Variants in DTNB observed in about 807,000 individuals in gnomAD.
DTNB encodes dystrobrevin beta, also known as DTN-B.
DTNB carries 63 observed loss-of-function variants against 90.7 expected under a neutral mutation model. That is an observed-to-expected ratio of 0.69 (90% CI 0.57 to 0.86). The LOEUF is 0.86. DTNB is among the 40% of genes least tolerant of loss of function. The pLI is 0.00. For missense variants in DTNB, 744 were observed against 807.1 expected, an observed-to-expected ratio of 0.92 and a Z score of 0.95; for synonymous variants, 277 against 286.7, an observed-to-expected ratio of 0.97 and a Z score of 0.34.
chr2:25,497,000 C>T (rs1012643473), intron 9 of DTNB, among the ~76,000 whole-genome samples: 2 of 152,152 alleles, frequency 1.3e-5, no homozygotes, highest in Non-Finnish European at 2.9e-5. Flanking sequence ...ACTATTAAAC[C>T]TTCACACTCT....
intron 9 of DTNB, among the ~76,000 whole-genome samples, chr2:25,519,757 G>A (rs1231893172): frequency 2.0e-5 from 3 of 152,140 alleles, no homozygotes; most frequent in Non-Finnish European, 2.9e-5. Flanking sequence ...TTACCTGTCA[G>A]AAATGGTTCA....
At chr2:25,431,138 C>G (rs1172330656) in intron 14 of DTNB, among the ~76,000 whole-genome samples, 3 of 152,040 alleles carry the variant, frequency 2.0e-5, no homozygotes, top group African/African-American at 7.2e-5. Context: ...CTTCTTCTTT[C>G]ATGGTAATTC....
At chr2:25,436,637 AG>A (rs1465085503) in intron 12 of DTNB, among the ~76,000 whole-genome samples, 3 of 152,142 alleles carry the variant, frequency 2.0e-5, no homozygotes, top group Non-Finnish European at 2.9e-5. Flanking sequence ...CTTTTTTAAA[AG>A]AAAAAAAAAA....
In DTNB at chr2:25,521,292, T is replaced by C. The variant is rs555276752; in HGVS notation, c.1001+10181A>G. Among the ~76,000 whole-genome samples, 3 of 152,256 alleles carry C rather than the reference T, an allele frequency of 2.0e-5. No individual in the cohort carries two copies. In the South Asian group the frequency reaches 6.2e-4, roughly 32 times the overall value. On this transcript the variant is annotated intron_variant, in intron 9 of 20. Transcript: ENST00000406818. ...AAATAATATAAGCTCTAAGGGCCAT[T>C]TGGTCTCAGTCGTTAATGACTCAAT...
chr2:25,504,672 A>G (rs2071899360), intron 9 of DTNB, among the ~76,000 whole-genome samples: 1 of 152,218 alleles, frequency 6.6e-6, no homozygotes, highest in African/African-American at 2.4e-5. Flanking sequence ...ATTTAACCAA[A>G]GTGTGAAGCT....
chr2:25,473,244 T>A (rs1275521880), intron 10 of DTNB, among the ~76,000 whole-genome samples: 1 of 152,206 alleles, frequency 6.6e-6, no homozygotes, highest in East Asian at 1.9e-4. Context: ...ATTTTACTAG[T>A]TTGGTATTAA....
At chr2:25,499,894 C>CT (rs912409736) in intron 9 of DTNB, among the ~76,000 whole-genome samples, 2 of 151,796 alleles carry the variant, frequency 1.3e-5, no homozygotes, top group Non-Finnish European at 2.9e-5. Flanking sequence ...ACTTACCATT[C>CT]TTTTTTTTGG....
intron 8 of DTNB, among the ~76,000 whole-genome samples, chr2:25,570,787 C>A (rs2059752975): frequency 6.6e-6 from 1 of 152,158 alleles, no homozygotes; most frequent in African/African-American, 2.4e-5. Flanking sequence ...AGTTCTTACT[C>A]CTCTTTTTCC....
At chr2:25,630,180 G>A (rs1157399093) in intron 3 of DTNB, among the ~76,000 whole-genome samples, 3 of 152,142 alleles carry the variant, frequency 2.0e-5, no homozygotes, top group Admixed American at 6.5e-5. Flanking sequence ...AGAAAACTAC[G>A]ATAACATACC....
At chr2:25,441,488 T>TCAC (rs2057379021) in intron 12 of DTNB, among the ~76,000 whole-genome samples, 2 of 152,252 alleles carry the variant, frequency 1.3e-5, no homozygotes, top group African/African-American at 4.8e-5. Context: ...TTGGTAAAGT[T>TCAC]ATGCTGACAG....
intron 10 of DTNB, among the ~76,000 whole-genome samples, chr2:25,455,735 A>G (rs1357640963): frequency 2.0e-5 from 3 of 152,208 alleles, no homozygotes; most frequent in Non-Finnish European, 4.4e-5. Context: ...CACTGACATG[A>G]CAGCCCTTGG....
chr2:25,642,411 T>C (rs1011872331), intron 2 of DTNB, among the ~76,000 whole-genome samples: 2 of 137,636 alleles, frequency 1.5e-5, no homozygotes, highest in African/African-American at 5.0e-5. Context: ...TGAGAAACCC[T>C]GGGACACTAT....
At chr2:25,609,348 C>CGTG (rs2067893022) in intron 4 of DTNB, among the ~76,000 whole-genome samples, 1 of 152,104 alleles carries the variant, frequency 6.6e-6, no homozygotes, top group Non-Finnish European at 1.5e-5. Context: ...CCTGTAATCC[C>CGTG]AGCACTTTGG....
intron 10 of DTNB, among the ~76,000 whole-genome samples, chr2:25,474,849 A>G (rs549828003): frequency 1.3e-5 from 2 of 152,124 alleles, no homozygotes; most frequent in African/African-American, 2.4e-5. Context: ...TATTATCATC[A>G]TATCGGTTAT....
At chr2:25,428,248 G>A (rs1377327018) in intron 14 of DTNB, among the ~76,000 whole-genome samples, 4 of 151,930 alleles carry the variant, frequency 2.6e-5, no homozygotes, top group East Asian at 3.9e-4. Context: ...CAGGTGTCAT[G>A]GTTGAAAAAC....
intron 10 of DTNB, among the ~76,000 whole-genome samples, chr2:25,460,496 C>A (rs1397078942): frequency 1.3e-5 from 2 of 152,050 alleles, no homozygotes; most frequent in Non-Finnish European, 2.9e-5. Context: ...TGGTCCCTGT[C>A]ACACACTACC....
Position 25,622,071 on chromosome 2 carries a change from T to G in DTNB, c.362+6100A>C, listed in dbSNP as rs1033007214. ...GTTTATTCCATTTTTAAGGTGAAAT[T>G]TCATTCTATTTCTGAACCAACACTT... is the stretch of plus-strand genomic sequence containing the variant. On this transcript the variant is annotated intron_variant, in intron 4 of 20. Transcript: ENST00000406818. Among the ~76,000 whole-genome samples, 6 of 152,306 alleles carry G rather than the reference T, an allele frequency of 3.9e-5. No individual in the cohort carries two copies. The East Asian group carries it at 1.2e-3, about 29-fold the overall frequency.
intron 12 of DTNB, among the ~76,000 whole-genome samples, chr2:25,440,519 G>C (rs539515630): frequency 6.6e-6 from 1 of 152,314 alleles, no homozygotes; most frequent in South Asian, 2.1e-4. Context: ...CAACATGTGA[G>C]AACATTTTGT....
intron 6 of DTNB, among the ~76,000 whole-genome samples, chr2:25,589,587 G>T (rs1287162261): frequency 6.6e-6 from 1 of 151,774 alleles, no homozygotes; most frequent in Non-Finnish European, 1.5e-5. Flanking sequence ...CACCACGTCG[G>T]CCAGGCTGTC....
Sources: gnomAD v4.1 joint callset for allele counts (sites outside exome capture counted in the v4.1 genomes callset) on GRCh38, gnomAD v4.1.1 for gene constraint, MANE v1.5 for transcripts, NCBI Gene and HGNC (gene_info 2026-07-23, HGNC 2026-07-21) for gene names.